Variants in CD99L2 observed in about 807,000 individuals in gnomAD.
CD99L2 encodes the protein CD99 antigen-like protein 2.
A neutral mutation model predicts 27.3 loss-of-function variants in CD99L2; 24 were observed. The ratio of observed to expected loss-of-function variants is 0.88; its 90% confidence interval spans 0.64 to 1.24. The LOEUF is 1.24. Among genes scored for constraint, CD99L2 ranks in the 50% most tolerant of loss-of-function variants. The pLI, the probability that CD99L2 is intolerant of heterozygous loss-of-function variation, is 0.00. For missense variants in CD99L2, 255 were observed against 221.6 expected (o/e 1.15, Z -0.96); for synonymous variants, 97 against 87.9 (o/e 1.10, Z -0.58).
intron 1 of CD99L2, among the ~76,000 whole-genome samples, chrX:150,844,047 G>T (rs931935547): frequency 8.0e-5 from 9 of 112,518 alleles, no homozygotes; most frequent in Non-Finnish European, 1.3e-4. Flanking sequence ...AGTGGCACAA[G>T]CCTCTAGATC....
At position 150,795,205 on chromosome X, in the gene CD99L2, C is replaced by A; in HGVS notation, c.430+1G>T. 8.3e-7 allele frequency: 1 copy of A among 1,210,124 alleles called. No homozygotes were observed. Among genetic ancestry groups the A allele is most frequent in the Non-Finnish European group, 1.1e-6 (1 of 894,265 alleles). On this transcript the variant is annotated splice_donor_variant, in intron 6 of 10. Transcript: ENST00000370377. LOFTEE classifies it high-confidence loss of function. ...ACAGAACCAGACCAGGTGGGACTCA[C>A]CTCCTCCTCCAGCAATTGGTTTCCT...
At chrX:150,869,823 A>T (rs1446296776) in intron 1 of CD99L2, among the ~76,000 whole-genome samples, 2 of 109,842 alleles carry the variant, frequency 1.8e-5, no homozygotes, top group Admixed American at 9.7e-5. Flanking sequence ...AAGTAGTTTT[A>T]AAAAAAAACT....
chrX:150,771,708 A>C, intron 9 of CD99L2: 1 of 978,002 alleles, frequency 1.0e-6, no homozygotes, highest in South Asian at 2.1e-5. Context: ...GGGAAGCAGG[A>C]GGGAGAAGAG....
chrX:150,808,771 G>A (rs2046032011), intron 4 of CD99L2, among the ~76,000 whole-genome samples: 1 of 111,517 alleles, frequency 9.0e-6, no homozygotes, highest in African/African-American at 3.3e-5. Context: ...TGAAAAGAGG[G>A]GTTTTACGCC....
chrX:150,871,439 A>G (rs1348086521), intron 1 of CD99L2, among the ~76,000 whole-genome samples: 1 of 112,067 alleles, frequency 8.9e-6, no homozygotes, highest in East Asian at 2.8e-4. Flanking sequence ...CTGAAGGTTG[A>G]TAAGATTGGA....
intron 1 of CD99L2, among the ~76,000 whole-genome samples, chrX:150,888,817 TA>T (rs782185376): frequency 4.6e-5 from 5 of 109,617 alleles, no homozygotes; most frequent in African/African-American, 1.7e-4. Context: ...GACATGTGAG[TA>T]AAAAAAAACC....
chrX:150,806,877 G>A (rs1557420255), intron 4 of CD99L2, among the ~76,000 whole-genome samples: 2 of 109,269 alleles, frequency 1.8e-5, no homozygotes, highest in Admixed American at 9.7e-5. Flanking sequence ...GGCAACAAGA[G>A]CAAAACTGCA....
intron 4 of CD99L2, among the ~76,000 whole-genome samples, chrX:150,797,473 T>G (rs1716340627): frequency 8.9e-6 from 1 of 112,321 alleles, no homozygotes; most frequent in Non-Finnish European, 1.9e-5. Flanking sequence ...TAGAAGACAC[T>G]AAATTGTTAA....
At chrX:150,771,939 C>T in intron 9 of CD99L2, 1 of 836,534 alleles carries the variant, frequency 1.2e-6, no homozygotes, top group East Asian at 3.4e-5. Context: ...CCAGCATGGG[C>T]CTTTTGGCAG....
chrX:150,826,451 G>A (rs2046368912), intron 2 of CD99L2, among the ~76,000 whole-genome samples: 1 of 111,253 alleles, frequency 9.0e-6, no homozygotes, highest in Non-Finnish European at 1.9e-5. Flanking sequence ...ACATGGATGA[G>A]CCTTGAAAAC....
chrX:150,815,253 C>A (rs1168021265), intron 3 of CD99L2, among the ~76,000 whole-genome samples: 1 of 111,778 alleles, frequency 8.9e-6, no homozygotes, highest in Admixed American at 9.5e-5. Flanking sequence ...GGTATTAACC[C>A]AAAATTCAAA....
intron 3 of CD99L2, among the ~76,000 whole-genome samples, chrX:150,815,729 C>T (rs182102459): frequency 1.3e-4 from 15 of 112,107 alleles, no homozygotes; most frequent in Admixed American, 1.3e-3. Context: ...TACATTTTCC[C>T]TGATTTTAGA....
At chrX:150,879,058 C>T (rs1398911390) in intron 1 of CD99L2, among the ~76,000 whole-genome samples, 2 of 112,011 alleles carry the variant, frequency 1.8e-5, no homozygotes, top group Non-Finnish European at 3.8e-5. Flanking sequence ...TCCAATTCCA[C>T]TCATCAGAGA....
intron 1 of CD99L2, among the ~76,000 whole-genome samples, chrX:150,868,685 T>A (rs1187626850): frequency 8.9e-6 from 1 of 112,262 alleles, no homozygotes; most frequent in Non-Finnish European, 1.9e-5. Flanking sequence ...TATCCTCGAA[T>A]CCACTTTTTA....
chrX:150,814,489 T>C (rs1199977520), intron 4 of CD99L2, among the ~76,000 whole-genome samples: 1 of 112,425 alleles, frequency 8.9e-6, no homozygotes. Flanking sequence ...TCTGCAAAAA[T>C]GTAACAGCGT....
At chrX:150,811,678 A>G (rs1440504265) in intron 4 of CD99L2, among the ~76,000 whole-genome samples, 1 of 112,304 alleles carries the variant, frequency 8.9e-6, no homozygotes, top group Non-Finnish European at 1.9e-5. Flanking sequence ...CAAGTGCAAC[A>G]AAAACAGTTA....
intron 4 of CD99L2, among the ~76,000 whole-genome samples, chrX:150,799,182 T>C (rs1346999117): frequency 9.0e-6 from 1 of 111,568 alleles, no homozygotes; most frequent in African/African-American, 3.3e-5. Context: ...AAAGAACTTA[T>C]ACAAGTCAAC....
At chrX:150,805,074 A>C (rs2045974337) in intron 4 of CD99L2, among the ~76,000 whole-genome samples, 1 of 111,618 alleles carries the variant, frequency 9.0e-6, no homozygotes, top group Non-Finnish European at 1.9e-5. Flanking sequence ...CTAAAAATAC[A>C]AAAATTAGCC....
chrX:150,812,086 G>A (rs1010272217), intron 4 of CD99L2, among the ~76,000 whole-genome samples: 8 of 111,672 alleles, frequency 7.2e-5, no homozygotes, highest in Middle Eastern at 4.7e-3. Flanking sequence ...ACTTGAGCCC[G>A]GGAGGTCAAG....
Sources: allele counts gnomAD v4.1 joint callset (sites outside exome capture counted in the v4.1 genomes callset), GRCh38; gene constraint gnomAD v4.1.1; transcripts MANE v1.5; gene names NCBI Gene and HGNC (gene_info 2026-07-23, HGNC 2026-07-21).